The following MMP26 variants were observed in gnomAD, a reference collection of about 807,000 sequenced individuals.
MMP26 encodes matrix metalloproteinase-26.
In MMP26, 33 loss-of-function variants were observed where a neutral mutation model predicts 31.0. The observed-to-expected ratio is 1.06, with a 90% CI of 0.81 to 1.42. The LOEUF (loss-of-function observed/expected upper bound fraction) is 1.42. Ranked by LOEUF, MMP26 falls within the 40% of genes most tolerant of loss-of-function variation. The pLI, the probability that MMP26 is intolerant of heterozygous loss-of-function variation, is 0.00. For missense variants in MMP26, 347 were observed against 316.1 expected, an observed-to-expected ratio of 1.10 and a Z score of -0.74; for synonymous variants, 122 against 114.9, an observed-to-expected ratio of 1.06 and a Z score of -0.40.
At chr11:4,728,446 C>T (rs1848131699) in intron 1 of MMP26, among the ~76,000 whole-genome samples, 2 of 152,144 alleles carry the variant, frequency 1.3e-5, no homozygotes, top group African/African-American at 4.8e-5. Context: ...GTACAGAGGC[C>T]TTGTCCCCCT....
At chr11:4,988,024 C>T in intron 2 of MMP26, 44 bp from the exon 3 acceptor site, 1 of 627,858 alleles carries the variant, frequency 1.6e-6, no homozygotes, top group East Asian at 2.8e-5. Flanking sequence ...AATTCCATGG[C>T]TGCTTTTGTC....
intron 1 of MMP26, chr11:4,718,644 C>T (rs1847968433): frequency 6.5e-6 from 1 of 154,850 alleles, no homozygotes; most frequent in African/African-American, 2.4e-5. Context: ...CCTCCACTTC[C>T]ATCATTTTCC....
At chr11:4,711,637 TCTATCA>T (rs1460151425) in intron 1 of MMP26, 1 of 152,168 alleles carries the variant, frequency 6.6e-6, no homozygotes, top group Non-Finnish European at 1.5e-5. Flanking sequence ...TCTACTTGCA[TCTATCA>T]CTTTTCTCAA....
rs1372769298 is a variant in MMP26, at chr11:4,936,502, G to T, written c.-144-51566G>T. ...AAGAGAAGTTTAAAAGTCTATTTAG[G>T]CTGGAAATGGTCAGGGAAGGCTTCA... is the stretch of plus-strand genomic sequence containing the variant. On this transcript the variant is annotated intron_variant, in intron 2 of 7. Transcript: ENST00000380390. 3.3e-5 allele frequency among the ~76,000 whole-genome samples: 5 copies of T among 152,096 alleles called. No homozygotes were observed. The East Asian group carries it at 9.7e-4, about 29-fold the overall frequency.
At chr11:4,811,365 G>A (rs918431169) in intron 2 of MMP26, among the ~76,000 whole-genome samples, 2 of 151,988 alleles carry the variant, frequency 1.3e-5, no homozygotes, top group Non-Finnish European at 2.9e-5. Flanking sequence ...CAACCTCCAC[G>A]CTCAAGTAGG....
intron 2 of MMP26, among the ~76,000 whole-genome samples, chr11:4,953,555 T>C (rs1846394891): frequency 8.0e-6 from 1 of 124,538 alleles, no homozygotes; most frequent in African/African-American, 2.7e-5. Context: ...AAGCCAACAT[T>C]TAAAGAAAAA....
chr11:4,823,725 A>T (rs1359757531), intron 2 of MMP26, among the ~76,000 whole-genome samples: 1 of 152,164 alleles, frequency 6.6e-6, no homozygotes, highest in African/African-American at 2.4e-5. Context: ...TATCCCTACA[A>T]TAATTGCTCA....
chr11:4,846,887 C>T (rs758961012), intron 2 of MMP26, among the ~76,000 whole-genome samples: 1 of 152,158 alleles, frequency 6.6e-6, no homozygotes, highest in African/African-American at 2.4e-5. Context: ...CAGATGCTTA[C>T]AACTACAGCA....
intron 2 of MMP26, among the ~76,000 whole-genome samples, chr11:4,931,706 A>C (rs531848553): frequency 1.3e-5 from 2 of 152,188 alleles, no homozygotes; most frequent in Admixed American, 1.3e-4. Flanking sequence ...CTGAAGGTGC[A>C]GCAAGGTCTC....
rs763187476 is a variant in MMP26 at position 4,849,124 on chromosome 11, A to G, written c.-145+81783A>G. Reference sequence around the variant, plus strand: ...AATGTCCACCAGGAGGGTGCACCTGATAGGCCTGGCATGCCCACCAGCAAG... The same window carrying G: ...AATGTCCACCAGGAGGGTGCACCTGGTAGGCCTGGCATGCCCACCAGCAAG... On this transcript the variant is annotated intron_variant, in intron 2 of 7. Coordinates refer to ENST00000380390, the MANE Select transcript of MMP26 (RefSeq NM_021801.5). The G allele has an allele frequency of 2.5e-6, 4 of 1,614,144 alleles. No homozygotes were observed. In the Admixed American group the frequency reaches 5.0e-5, roughly 20 times the overall value.
intron 2 of MMP26, among the ~76,000 whole-genome samples, chr11:4,965,363 G>A (rs767163333): frequency 7.9e-5 from 12 of 152,136 alleles, no homozygotes; most frequent in Non-Finnish European, 4.4e-5. Flanking sequence ...GGAGCAATTT[G>A]ATGAAGAGAG....
intron 2 of MMP26, among the ~76,000 whole-genome samples, chr11:4,922,851 T>C (rs530302102): frequency 6.6e-6 from 1 of 152,306 alleles, no homozygotes; most frequent in Admixed American, 6.5e-5. Context: ...TGTGGGCATA[T>C]GTTTAGTAAA....
intron 2 of MMP26, among the ~76,000 whole-genome samples, chr11:4,840,463 A>C (rs183066379): frequency 1.2e-3 from 177 of 152,350 alleles, no homozygotes; most frequent in Non-Finnish European, 1.8e-3. Flanking sequence ...CCTTAGATTC[A>C]TGTGGCTCAG....
intron 2 of MMP26, among the ~76,000 whole-genome samples, chr11:4,827,267 G>T (rs985214622): frequency 6.6e-6 from 1 of 152,170 alleles, no homozygotes; most frequent in Non-Finnish European, 1.5e-5. Flanking sequence ...AGTCACCTCA[G>T]AATGAGGTAT....
intron 2 of MMP26, among the ~76,000 whole-genome samples, chr11:4,864,114 T>C (rs1424435334): frequency 6.6e-6 from 1 of 152,168 alleles, no homozygotes; most frequent in East Asian, 1.9e-4. Flanking sequence ...GAGTCTACTG[T>C]TGTTTGGAAC....
intron 2 of MMP26, among the ~76,000 whole-genome samples, chr11:4,831,427 T>C (rs550225666): frequency 1.3e-4 from 20 of 152,362 alleles, no homozygotes; most frequent in African/African-American, 4.8e-4. Context: ...AGCCTATCTT[T>C]TTCTGTGAAT....
At chr11:4,733,054 A>G (rs900107379) in intron 1 of MMP26, among the ~76,000 whole-genome samples, 1 of 152,244 alleles carries the variant, frequency 6.6e-6, no homozygotes, top group African/African-American at 2.4e-5. Context: ...GGATAACAGC[A>G]GCTGTGTAAT....
chr11:4,754,095 G>T (rs927561007), intron 1 of MMP26, among the ~76,000 whole-genome samples: 22 of 135,250 alleles, frequency 1.6e-4, no homozygotes, highest in South Asian at 2.3e-4. Context: ...CTAAAAGAGA[G>T]ATTTTTTTTT....
chr11:4,865,330 C>G (rs945127582), intron 2 of MMP26, among the ~76,000 whole-genome samples: 2 of 151,884 alleles, frequency 1.3e-5, no homozygotes, highest in East Asian at 1.9e-4. Context: ...TGTCTAATTT[C>G]TTTGCTTAAT....
Sources: gnomAD v4.1 joint callset for allele counts (sites outside exome capture counted in the v4.1 genomes callset) on GRCh38, gnomAD v4.1.1 for gene constraint, MANE v1.5 for transcripts, NCBI Gene and HGNC (gene_info 2026-07-23, HGNC 2026-07-21) for gene names.